The following STK36 variants were observed in gnomAD, a reference collection of about 807,000 sequenced individuals.
STK36 encodes the protein serine/threonine-protein kinase 36.
Under a neutral mutation model 142.2 loss-of-function variants are expected in STK36, and 116 were observed. The observed-to-expected ratio is 0.82, with a 90% CI of 0.70 to 0.95. The LOEUF is 0.95. Among genes scored for constraint, STK36 ranks in the 40% least tolerant of loss-of-function variants. The pLI, the probability that STK36 is intolerant of heterozygous loss-of-function variation, is 0.00. For synonymous variants in STK36, 619 were observed against 641.7 expected, an observed-to-expected ratio of 0.96 and a Z score of 0.53; for missense variants, 1,422 against 1,617.2, an observed-to-expected ratio of 0.88 and a Z score of 2.07.
In STK36 at chr2:218,677,202, G is replaced by A. The variant is rs1367174325; in HGVS notation, c.684+924G>A. On this transcript the variant is annotated intron_variant, in intron 6 of 26. Transcript: ENST00000295709. Reference sequence around the variant, plus strand: ...CCTGCCTTGGCCTCCCAAAGTGCTGGGATCATAGGCTTGAGCCACTGCACC... The same window carrying A: ...CCTGCCTTGGCCTCCCAAAGTGCTGAGATCATAGGCTTGAGCCACTGCACC... Among the ~76,000 whole-genome samples, 4 of 152,196 alleles carry A rather than the reference G, an allele frequency of 2.6e-5. No homozygotes were observed. In the East Asian group the frequency reaches 7.7e-4, roughly 29 times the overall value.
rs1380599818 is a variant in STK36, at chr2:218,694,058, T to G, written c.2336+75T>G. ...TAACCCTCACAAAGAGTATGGGGAA[T>G]GGTACCCTACAGCATATCCTTAGGA... On this transcript the variant is annotated intron_variant, in intron 19 of 26. Coordinates refer to ENST00000295709, the MANE Select transcript of STK36 (RefSeq NM_015690.5). This position sits in a 1 kb window ranked among gnomAD's most constrained non-coding sequence, Gnocchi z 4.4. 1.9e-5 allele frequency: 27 copies of G among 1,437,954 alleles called. No individual in the cohort carries two copies. The highest frequency in any genetic ancestry group is 2.4e-5 in the Non-Finnish European group (25 of 1,020,898). The allele number at this position is 1,437,954 out of a possible 1,614,324, so 89.1% of individuals were successfully genotyped here.
intron 26 of STK36, among the ~76,000 whole-genome samples, chr2:218,699,927 CTT>C (rs1185957083): frequency 2.0e-5 from 3 of 146,366 alleles, no homozygotes; most frequent in Admixed American, 6.8e-5. Flanking sequence ...TTTCTTTTTC[CTT>C]TTTTTTTTTT....
chr2:218,676,425 T>A, intron 6 of STK36, 147 bp downstream of exon 6: 1 of 1,071,970 alleles, frequency 9.3e-7, no homozygotes, highest in Non-Finnish European at 1.3e-6. Flanking sequence ...CTCGCATTGC[T>A]ATACAGAACC....
At chr2:218,692,406 A>G in intron 15 of STK36, 113 bp downstream of exon 15, 1 of 1,512,160 alleles carries the variant, frequency 6.6e-7, no homozygotes, top group Middle Eastern at 2.5e-4. Context: ...GGTGCTCAAT[A>G]AATAACTGTG....
chr2:218,672,885 A>T lies in STK36; in HGVS notation c.56A>T (p.Tyr19Phe). 6.2e-7 allele frequency: 1 copy of T among 1,614,114 alleles called. No homozygotes were observed. The change falls in exon 2 of 27, where the codon TAC (tyrosine) becomes TTC (phenylalanine). Residue 19 changes from tyrosine to phenylalanine, a missense_variant. Tyr to Phe is a conservative substitution (Grantham distance 22, BLOSUM62 3). Coordinates refer to ENST00000295709, the MANE Select transcript of STK36 (RefSeq NM_015690.5). Reference sequence around the variant, plus strand: ...GGAGAAGGCTCTTTTGGGAGGGTGTACAAGGGTCGAAGAAAATACAGTGCT... The same window carrying T: ...GGAGAAGGCTCTTTTGGGAGGGTGTTCAAGGGTCGAAGAAAATACAGTGCT... ...MIGEGSFGRV[Y>F]KGRRKYSAQV... is the part of the protein sequence containing the mutation.
rs6709303 is a variant in STK36 at position 218,692,291 on chromosome 2, A to C, written c.1913A>C (p.Gln638Pro). ...CCACAGCTCCCTGTCCACACTCCCC[A>C]AGGTAACCAGAGTGGAGAAGGGAGG... The part of the protein sequence containing the change: ...TVPQLPVHTP[Q>P]GAPQVSQPLR... The change falls in exon 15 of 27, where the codon CAA becomes CCA. Residue 638 changes from glutamine (Q) to proline (P), a missense_variant and splice_region_variant. Around this residue, in one of 2 missense-constraint regions of STK36, gnomAD observed 962 missense variants for 1,167.5 expected, o/e 0.82. Coordinates refer to ENST00000295709, the MANE Select transcript of STK36 (RefSeq NM_015690.5). The C allele has an allele frequency of 0.011, 18,271 of 1,613,952 alleles. 1,737 individuals carry two copies. In the African/African-American group the frequency reaches 0.21, roughly 19 times the overall value.
chr2:218,702,024 G>A lies in STK36; in HGVS notation c.*15G>A, dbSNP rs142584165. On this transcript the variant is annotated 3_prime_UTR_variant, in exon 27 of 27. Coordinates refer to ENST00000295709, the MANE Select transcript of STK36 (RefSeq NM_015690.5). ...ATAGCATGTGATTCCAGATTCCTGC[G>A]GTCCAGCCTCCAACTTTGGTTGCCA... The A allele has an allele frequency of 1.5e-4, 242 of 1,612,450 alleles. No homozygotes were observed. The highest frequency in any genetic ancestry group is 1.8e-4 in the Non-Finnish European group (213 of 1,179,130).
In STK36 at chr2:218,690,554, T is replaced by A. The variant is rs755749076; in HGVS notation, c.1763T>A (p.Met588Lys). The A allele has an allele frequency of 2.5e-6, 4 of 1,612,040 alleles. No homozygotes were observed. In the African/African-American group the frequency reaches 4.0e-5, roughly 16 times the overall value. The change falls in exon 14 of 27, where the codon ATG (methionine) becomes AAG (lysine). Residue 588 changes from methionine to lysine, a missense_variant and splice_region_variant. By Grantham distance (95) the Met-to-Lys change is moderately conservative. Around this residue, in one of 2 missense-constraint regions of STK36, gnomAD observed 962 missense variants for 1,167.5 expected, o/e 0.82. Transcript: ENST00000295709. ...CAGACTTTGCGGAGGGACAGCCTTA[T>A]GGTAATCTGCTCCCACTTCCAGATT... ...SEQTLRRDSL[M>K]CFTVLCEAMD... is the part of the protein sequence containing the mutation.
In STK36 at chr2:218,689,850, C is replaced by G; in HGVS notation, c.1561-9C>G. On this transcript the variant is annotated splice_polypyrimidine_tract_variant and intron_variant, in intron 12 of 26. Coordinates refer to ENST00000295709, the MANE Select transcript of STK36 (RefSeq NM_015690.5). ...ATTGCCCTTACTCTCTTCTCCTTTT[C>G]CTGGGCAGCAATCTTGGTATGGGAC... 1 of 1,606,848 alleles carries G rather than the reference C, an allele frequency of 6.2e-7. No individual in the cohort carries two copies. The highest frequency in any genetic ancestry group is 1.1e-5 in the South Asian group (1 of 89,556).
chr2:218,683,519 C>G (rs1250493637), intron 10 of STK36, among the ~76,000 whole-genome samples: 1 of 152,066 alleles, frequency 6.6e-6, no homozygotes, highest in African/African-American at 2.4e-5. Flanking sequence ...GTGATCTGCC[C>G]GCCTCGGCCT....
At position 218,688,712 on chromosome 2, in the gene STK36, T is replaced by G. The variant is rs1208452402; in HGVS notation, c.1396T>G (p.Leu466Val). 3 of 1,612,558 alleles carry G rather than the reference T, an allele frequency of 1.9e-6. No individual in the cohort carries two copies. The highest frequency in any genetic ancestry group is 1.7e-6 in the Non-Finnish European group (2 of 1,179,510). ...TGTCACCCAGATCCTGAAAGGCATC[T>G]TGGAGGGTGCTTCCCACATCCTGCC... ...EAGGQILKGI[L>V]EGASHILPAF... The change falls in exon 12 of 27, where the codon TTG (leucine) becomes GTG (valine). Residue 466 changes from leucine (L) to valine (V), a missense_variant. Leu to Val is a conservative substitution (Grantham distance 32, BLOSUM62 1). Transcript: ENST00000295709.
At chr2:218,682,211 G>A (rs1443286062) in intron 10 of STK36, among the ~76,000 whole-genome samples, 1 of 152,116 alleles carries the variant, frequency 6.6e-6, no homozygotes, top group Non-Finnish European at 1.5e-5. Context: ...ACAAGCTGGA[G>A]CCACCACACC....
At position 218,698,007 on chromosome 2, in the gene STK36, T is replaced by G. The variant is rs1373658442; in HGVS notation, c.3057+6T>G. ...TTGCAGCCCATCTGCTGCAGGTACT[T>G]GGGCAGCTAGCATGAAGGTGGGAGA... is the stretch of plus-strand genomic sequence containing the variant. On this transcript the variant is annotated splice_donor_region_variant and intron_variant, in intron 25 of 26. Coordinates refer to ENST00000295709, the MANE Select transcript of STK36 (RefSeq NM_015690.5). The G allele has an allele frequency of 1.2e-6, 2 of 1,614,082 alleles. No homozygotes were observed. The highest frequency in any genetic ancestry group is 2.2e-5 in the South Asian group (2 of 91,082).
intron 6 of STK36, among the ~76,000 whole-genome samples, chr2:218,678,182 C>T (rs1940343109): frequency 6.6e-6 from 1 of 152,082 alleles, no homozygotes; most frequent in South Asian, 2.1e-4. Flanking sequence ...AACTCCTGGC[C>T]TCAAGCAATC....
intron 1 of STK36, 29 bp from the exon 2 acceptor site, chr2:218,672,712 A>T (rs2106340264): frequency 1.1e-6 from 1 of 945,862 alleles, no homozygotes; most frequent in East Asian, 2.4e-5. Flanking sequence ...AAGGTGGCTA[A>T]CATTTTTCCT....
chr2:218,677,834 A>C (rs1940323308), intron 6 of STK36, among the ~76,000 whole-genome samples: 1 of 152,202 alleles, frequency 6.6e-6, no homozygotes, highest in Non-Finnish European at 1.5e-5. Context: ...TCTGTCACCC[A>C]GGCTGGAGTG....
rs1176381273 is a variant in STK36 at position 218,679,703 on chromosome 2, CG to C, written c.923del (p.Arg308ProfsTer51). The C allele has an allele frequency of 6.2e-7, 1 of 1,614,062 alleles. No homozygotes were observed. The highest frequency in any genetic ancestry group is 2.2e-5 in the East Asian group (1 of 44,894). On this transcript the variant is annotated frameshift_variant, in exon 8 of 27. Coordinates refer to ENST00000295709, the MANE Select transcript of STK36 (RefSeq NM_015690.5). LOFTEE classifies it high-confidence loss of function. ...TCGCATCTTGACTCAGGCCTATAAA[CG>C]CATGGCTGAGGAGGCCATGCAGAAG... is the stretch of plus-strand genomic sequence containing the variant. Reference protein sequence around the residue: ...QSRILTQAYKRMAEEAMQKKH... With the variant: ...QSRILTQAYKXMAEEAMQKKH...
In STK36 at chr2:218,690,432, C is replaced by T; in HGVS notation, c.1659-18C>T. 6.2e-7 allele frequency: 1 copy of T among 1,607,434 alleles called. No individual in the cohort carries two copies. The highest frequency in any genetic ancestry group is 1.1e-5 in the South Asian group (1 of 90,938). The stretch of plus-strand genomic sequence containing the variant: ...TAGTAGAGAGATAAGAAATCATGGG[C>T]TCATTTTCCACCCCCAGCCTGCAGG... On this transcript the variant is annotated intron_variant, in intron 13 of 26. Coordinates refer to ENST00000295709, the MANE Select transcript of STK36 (RefSeq NM_015690.5).
rs1462150812 is a variant in STK36, at chr2:218,696,541, A to G, written c.2526A>G (p.Pro842=). Residue 842 remains proline, a synonymous_variant, in exon 22 of 27, where the codon CCA becomes CCG. Coordinates refer to ENST00000295709, the MANE Select transcript of STK36 (RefSeq NM_015690.5). ...LSAPAEVRLT[P]PGSCGFYDGL... The stretch of plus-strand genomic sequence containing the variant: ...CTCTCTGACAGGTTCGGTTGACTCC[A>G]CCAGGTAGTTGTGGATTCTATGATG... The G allele has an allele frequency of 6.2e-7, 1 of 1,614,110 alleles. No homozygotes were observed. Among genetic ancestry groups the G allele is most frequent in the South Asian group, 1.1e-5 (1 of 91,074 alleles).
Sources: allele counts gnomAD v4.1 joint callset (sites outside exome capture counted in the v4.1 genomes callset), GRCh38; gene constraint gnomAD v4.1.1; regional missense constraint gnomAD v4.1.1; non-coding constraint Gnocchi (gnomAD v3.1); transcripts MANE v1.5; gene names NCBI Gene and HGNC (gene_info 2026-07-23, HGNC 2026-07-21).